PLS1: variants seen among roughly 807,000 people sequenced by gnomAD.
The protein encoded by PLS1 is plastin 1.
A neutral mutation model predicts 73.7 loss-of-function variants in PLS1; 32 were observed. That is an observed-to-expected ratio of 0.43 (90% confidence interval 0.33 to 0.58). The LOEUF (loss-of-function observed/expected upper bound fraction) is 0.58, where lower values mean the gene tolerates loss of function less well. Among genes scored for constraint, PLS1 ranks in the 20% least tolerant of loss-of-function variants. The pLI, the probability that PLS1 is intolerant of heterozygous loss-of-function variation, is 0.04. For synonymous variants in PLS1, 217 were observed against 261.3 expected (o/e 0.83, Z 1.63); for missense variants, 633 against 740.5 (o/e 0.85, Z 1.68).
At chr3:142,654,616 AGT>A (rs777259785) in intron 1 of PLS1, among the ~76,000 whole-genome samples, 5 of 152,206 alleles carry the variant, frequency 3.3e-5, no homozygotes, top group Non-Finnish European at 5.9e-5. Flanking sequence ...GGCCTCCCAA[AGT>A]GTGGGGATTA....
chr3:142,644,445 GTC>G (rs2036910068), intron 1 of PLS1, among the ~76,000 whole-genome samples: 1 of 151,892 alleles, frequency 6.6e-6, no homozygotes, highest in East Asian at 2.0e-4. Flanking sequence ...TAGAGATGGG[GTC>G]TCTCTGTGTT....
chr3:142,623,660 G>T (rs559568318), intron 1 of PLS1: 2 of 152,110 alleles, frequency 1.3e-5, no homozygotes, highest in Non-Finnish European at 2.9e-5. Context: ...CACCCTCATA[G>T]TATTTCTTTT....
chr3:142,711,641 T>G lies in PLS1; in HGVS notation c.1754+16T>G. The G allele has an allele frequency of 6.3e-7, 1 of 1,586,994 alleles. No individual in the cohort carries two copies. Among genetic ancestry groups the G allele is most frequent in the Non-Finnish European group, 8.6e-7 (1 of 1,159,966 alleles). The stretch of plus-strand genomic sequence containing the variant: ...ACAATGCTAAGTAAGCCTTTATGGT[T>G]TATATTACAATACATGGCCCTTTAA... On this transcript the variant is annotated intron_variant, in intron 15 of 15. Transcript: ENST00000457734.
intron 1 of PLS1, among the ~76,000 whole-genome samples, chr3:142,616,015 G>A (rs1289222620): frequency 6.6e-6 from 1 of 152,204 alleles, no homozygotes; most frequent in Non-Finnish European, 1.5e-5. Flanking sequence ...TGCATTTAAA[G>A]TCTGAGAACT....
intron 9 of PLS1, among the ~76,000 whole-genome samples, chr3:142,687,552 A>C (rs1320756204): frequency 6.6e-6 from 1 of 152,206 alleles, no homozygotes; most frequent in African/African-American, 2.4e-5. Context: ...TAAAAAAATT[A>C]GGAACTTAAA....
intron 14 of PLS1, among the ~76,000 whole-genome samples, chr3:142,707,960 C>CTAA (rs2038500828): frequency 6.6e-6 from 1 of 152,098 alleles, no homozygotes. Flanking sequence ...TCTGTGTGAC[C>CTAA]ATGGGCAAGT....
chr3:142,643,379 A>G (rs1372787766), intron 1 of PLS1, among the ~76,000 whole-genome samples: 3 of 152,228 alleles, frequency 2.0e-5, no homozygotes, highest in Non-Finnish European at 4.4e-5. Flanking sequence ...TTCTCCACAA[A>G]GTCTTAAGCA....
chr3:142,645,960 A>G (rs2036944860), intron 1 of PLS1, among the ~76,000 whole-genome samples: 1 of 152,188 alleles, frequency 6.6e-6, no homozygotes, highest in African/African-American at 2.4e-5. Flanking sequence ...CTTAGGGGGT[A>G]CAACATAAGA....
chr3:142,700,545 G>GA (rs1258166626), intron 12 of PLS1, among the ~76,000 whole-genome samples: 2 of 152,086 alleles, frequency 1.3e-5, no homozygotes, highest in African/African-American at 2.4e-5. Context: ...GGATGGTCTT[G>GA]TCTCCTGACC....
At chr3:142,688,805 A>T (rs553731629) in intron 9 of PLS1, among the ~76,000 whole-genome samples, 2 of 152,162 alleles carry the variant, frequency 1.3e-5, no homozygotes, top group South Asian at 4.1e-4. Flanking sequence ...TCTCCTGTTT[A>T]TAGGTATTTG....
At chr3:142,608,477 G>A (rs968524413) in intron 1 of PLS1, among the ~76,000 whole-genome samples, 2 of 152,164 alleles carry the variant, frequency 1.3e-5, no homozygotes, top group Non-Finnish European at 2.9e-5. Flanking sequence ...ATCAATCCCA[G>A]TAATTCTCAA....
At chr3:142,639,670 C>T (rs1337056823) in intron 1 of PLS1, among the ~76,000 whole-genome samples, 1 of 152,154 alleles carries the variant, frequency 6.6e-6, no homozygotes, top group Non-Finnish European at 1.5e-5. Flanking sequence ...GTTTTTCTTA[C>T]ATCCCCCAAC....
intron 1 of PLS1, among the ~76,000 whole-genome samples, chr3:142,624,077 T>G (rs996361442): frequency 6.6e-6 from 1 of 152,158 alleles, no homozygotes; most frequent in African/African-American, 2.4e-5. Context: ...CTAGAGAAAT[T>G]TCACAGATAA....
chr3:142,689,358 G>C (rs2038039008), intron 9 of PLS1, among the ~76,000 whole-genome samples: 1 of 152,032 alleles, frequency 6.6e-6, no homozygotes. Context: ...AAGAGGCAGA[G>C]GTTGCAGTGA....
chr3:142,629,071 G>A (rs1448964348), intron 1 of PLS1, among the ~76,000 whole-genome samples: 1 of 152,134 alleles, frequency 6.6e-6, no homozygotes, highest in Admixed American at 6.5e-5. Context: ...TAGTTGTTTT[G>A]ATACTAATAT....
At chr3:142,634,509 G>A (rs1472589598) in intron 1 of PLS1, among the ~76,000 whole-genome samples, 1 of 152,160 alleles carries the variant, frequency 6.6e-6, no homozygotes, top group Non-Finnish European at 1.5e-5. Flanking sequence ...AACTGTACTT[G>A]TGGATTTGTC....
At chr3:142,668,793 G>T (rs989762186) in intron 2 of PLS1, among the ~76,000 whole-genome samples, 1 of 151,856 alleles carries the variant, frequency 6.6e-6, no homozygotes, top group Non-Finnish European at 1.5e-5. Flanking sequence ...GTAGAGATGG[G>T]GTTTCACCAT....
At chr3:142,641,496 GT>G (rs1201352695) in intron 1 of PLS1, among the ~76,000 whole-genome samples, 1 of 151,092 alleles carries the variant, frequency 6.6e-6, no homozygotes, top group Non-Finnish European at 1.5e-5. Flanking sequence ...AACATTTTCT[GT>G]TTTTATGAAT....
intron 2 of PLS1, among the ~76,000 whole-genome samples, chr3:142,667,218 C>T (rs1036075516): frequency 1.2e-4 from 19 of 152,122 alleles, no homozygotes; most frequent in African/African-American, 4.3e-4. Flanking sequence ...AGATTGAGAC[C>T]ATCCTGGCCA....
Sources: gnomAD v4.1 joint callset for allele counts (sites outside exome capture counted in the v4.1 genomes callset) on GRCh38, gnomAD v4.1.1 for gene constraint, MANE v1.5 for transcripts, NCBI Gene and HGNC (gene_info 2026-07-23, HGNC 2026-07-21) for gene names.